The following ATP11A variants were observed in gnomAD, a reference collection of about 807,000 sequenced individuals.
The protein encoded by ATP11A is ATPase phospholipid transporting 11A, also known as phospholipid-transporting ATPase IH.
Under a neutral mutation model 154.4 loss-of-function variants are expected in ATP11A, and 81 were observed. The observed-to-expected ratio is 0.52, with a 90% CI of 0.44 to 0.63. ATP11A has a LOEUF of 0.63. Ranked by LOEUF, ATP11A falls within the 30% of genes least tolerant of loss-of-function variation. The probability of loss-of-function intolerance (pLI) is 0.00; values close to 1 mark genes in which losing one functional copy is unlikely to be tolerated. For missense variants in ATP11A, 1,316 were observed against 1,474.3 expected (o/e 0.89, Z 1.76); for synonymous variants, 623 against 585.9 (o/e 1.06, Z -0.91).
chr13:112,829,366 CA>C (rs1456400686), intron 12 of ATP11A, among the ~76,000 whole-genome samples: 1 of 152,186 alleles, frequency 6.6e-6, no homozygotes, highest in African/African-American at 2.4e-5. Context: ...CAGCAGCATA[CA>C]AAAGGATCAT....
At chr13:112,877,450 A>T (rs2080763551) in intron 28 of ATP11A, among the ~76,000 whole-genome samples, 1 of 152,250 alleles carries the variant, frequency 6.6e-6, no homozygotes, top group African/African-American at 2.4e-5. Flanking sequence ...ACACGTGTTC[A>T]TAACCACATC....
At chr13:112,863,772 G>A (rs1327892767) in intron 25 of ATP11A, among the ~76,000 whole-genome samples, 5 of 82,552 alleles carry the variant, frequency 6.1e-5, no homozygotes, top group Admixed American at 1.6e-4. Flanking sequence ...TCTCAGCAGG[G>A]TCCATCACCA....
chr13:112,853,401 C>A (rs909471397), intron 18 of ATP11A, among the ~76,000 whole-genome samples: 7 of 152,134 alleles, frequency 4.6e-5, no homozygotes, highest in Admixed American at 6.5e-5. Context: ...GGAAGTTCTT[C>A]CCAAAACCTA....
intron 2 of ATP11A, among the ~76,000 whole-genome samples, chr13:112,792,633 T>G (rs1161625110): frequency 1.3e-5 from 2 of 152,188 alleles, no homozygotes. Flanking sequence ...TGATAGGTGA[T>G]GATAGAGTTT....
At chr13:112,712,483 G>A (rs978122350) in intron 1 of ATP11A, among the ~76,000 whole-genome samples, 1 of 152,200 alleles carries the variant, frequency 6.6e-6, no homozygotes, top group African/African-American at 2.4e-5. Context: ...TGAGGGTCTG[G>A]GGGTGGGGGA....
intron 1 of ATP11A, among the ~76,000 whole-genome samples, chr13:112,708,262 T>C (rs529938573): frequency 6.6e-6 from 1 of 152,338 alleles, no homozygotes; most frequent in South Asian, 2.1e-4. Context: ...TAAACAAACT[T>C]ATTTCTCGTT....
chr13:112,881,373 G>T, intron 29 of ATP11A: 2 of 1,037,760 alleles, frequency 1.9e-6, no homozygotes, highest in Non-Finnish European at 1.2e-6. Flanking sequence ...AAATCAACCC[G>T]GTCCCTGTGG....
intron 25 of ATP11A, among the ~76,000 whole-genome samples, chr13:112,866,945 A>G (rs1042894942): frequency 2.0e-5 from 3 of 152,140 alleles, no homozygotes; most frequent in African/African-American, 7.2e-5. Flanking sequence ...TAATTGAATA[A>G]TTCCTGAATG....
chr13:112,720,878 G>A (rs1889091139), intron 1 of ATP11A, among the ~76,000 whole-genome samples: 2 of 152,156 alleles, frequency 1.3e-5, no homozygotes, highest in African/African-American at 4.8e-5. Flanking sequence ...ATCCAAATGG[G>A]AGGGGCCAGG....
At chr13:112,700,498 G>A (rs545035454) in intron 1 of ATP11A, among the ~76,000 whole-genome samples, 119 of 152,330 alleles carry the variant, frequency 7.8e-4, no homozygotes, top group African/African-American at 2.8e-3. Flanking sequence ...CCTGTGACAG[G>A]GCAGCCAGGT....
rs1275193841 is a variant in ATP11A, at chr13:112,884,415, C to CT, written c.*2550dup. Reference sequence around the variant, plus strand: ...ACAACAAGTTTTAGTGTGAAAGTCACTAAACTTTTACACACTCCCAAACGT... The same window carrying CT: ...ACAACAAGTTTTAGTGTGAAAGTCACTTAAACTTTTACACACTCCCAAACGT... On this transcript the variant is annotated 3_prime_UTR_variant, in exon 30 of 30. Coordinates refer to ENST00000375645, the MANE Select transcript of ATP11A (RefSeq NM_015205.3). The CT allele has an allele frequency of 6.6e-6, 1 of 152,470 alleles. No individual in the cohort carries two copies. The highest frequency in any genetic ancestry group is 1.9e-4 in the East Asian group (1 of 5,190). 9.4% of individuals were successfully genotyped at this position (152,470 alleles called of 1,614,324 possible). A position where few individuals can be genotyped will look rare whatever the true frequency, so the allele number is the denominator to read the frequency against.
intron 1 of ATP11A, among the ~76,000 whole-genome samples, chr13:112,759,549 C>T (rs1330878226): frequency 6.6e-6 from 1 of 152,206 alleles, no homozygotes; most frequent in Admixed American, 6.5e-5. Context: ...GTTCATTGAA[C>T]TTATACACCA....
At chr13:112,714,903 C>G (rs1888248591) in intron 1 of ATP11A, among the ~76,000 whole-genome samples, 1 of 152,198 alleles carries the variant, frequency 6.6e-6, no homozygotes, top group South Asian at 2.1e-4. Context: ...CGCTTCTTCC[C>G]AAACTGAAAC....
At position 112,716,523 on chromosome 13, in the gene ATP11A, C is replaced by T. The variant is rs571152973; in HGVS notation, c.39+26068C>T. On this transcript the variant is annotated intron_variant, in intron 1 of 29. Coordinates refer to ENST00000375645, the MANE Select transcript of ATP11A (RefSeq NM_015205.3). Reference sequence around the variant, plus strand: ...CCTCCGCCTCTGGGAGGACGGGAGCCGGGACAGAGGGGGCAAGGAGGCCTC... The same window carrying T: ...CCTCCGCCTCTGGGAGGACGGGAGCTGGGACAGAGGGGGCAAGGAGGCCTC... Among the ~76,000 whole-genome samples the T allele has an allele frequency of 1.2e-4, 18 of 152,282 alleles. No individual in the cohort carries two copies. The East Asian group carries it at 2.5e-3, about 21-fold the overall frequency.
At chr13:112,825,147 G>A (rs150381181) in intron 10 of ATP11A, among the ~76,000 whole-genome samples, 36 of 152,342 alleles carry the variant, frequency 2.4e-4, no homozygotes, top group African/African-American at 8.4e-4. Flanking sequence ...AGTCCAGGCA[G>A]TGCAGAAGCA....
intron 1 of ATP11A, among the ~76,000 whole-genome samples, chr13:112,727,983 G>T (rs1890059723): frequency 6.6e-6 from 1 of 152,240 alleles, no homozygotes; most frequent in African/African-American, 2.4e-5. Context: ...GGCCGTGTCT[G>T]GTGAGCAGGG....
chr13:112,785,385 A>G lies in ATP11A; in HGVS notation c.162+128A>G. 3 of 1,147,666 alleles carry G rather than the reference A, an allele frequency of 2.6e-6. No homozygotes were observed. Among genetic ancestry groups the G allele is most frequent in the Middle Eastern group, 4.9e-4 (2 of 4,060 alleles). The allele number at this position is 1,147,666 out of a possible 1,614,324, so 71.1% of individuals were successfully genotyped here. A position where few individuals can be genotyped will look rare whatever the true frequency, so the allele number is the denominator to read the frequency against. On this transcript the variant is annotated intron_variant, in intron 2 of 29. Transcript: ENST00000375645. This position sits in a 1 kb window ranked among gnomAD's most constrained non-coding sequence, Gnocchi z 4.8. ...GCTGTCACAGCCACCAGCCACCCCC[A>G]GCAAGGGCTTCGGATCAGGACCTCA...
At chr13:112,852,435 A>G (rs777824496) in intron 18 of ATP11A, among the ~76,000 whole-genome samples, 6 of 151,828 alleles carry the variant, frequency 4.0e-5, no homozygotes, top group African/African-American at 7.3e-5. Context: ...TTTTGAAGTC[A>G]CTCTCCCCTG....
chr13:112,707,253 CA>C (rs1200819076), intron 1 of ATP11A, among the ~76,000 whole-genome samples: 18 of 151,830 alleles, frequency 1.2e-4, no homozygotes, highest in Non-Finnish European at 1.6e-4. Flanking sequence ...TTGTCTCTAC[CA>C]AAAATACATA....
Sources: allele counts gnomAD v4.1 joint callset (sites outside exome capture counted in the v4.1 genomes callset), GRCh38; gene constraint gnomAD v4.1.1; non-coding constraint Gnocchi (gnomAD v3.1); transcripts MANE v1.5; gene names NCBI Gene and HGNC (gene_info 2026-07-23, HGNC 2026-07-21).